Variants in PCCA observed in about 807,000 individuals in gnomAD.
The protein encoded by PCCA is propionyl-CoA carboxylase alpha chain, mitochondrial.
PCCA carries 74 observed loss-of-function variants against 101.3 expected under a neutral mutation model. The ratio of observed to expected loss-of-function variants is 0.73; its 90% CI spans 0.61 to 0.89. The LOEUF (loss-of-function observed/expected upper bound fraction) is 0.89, where lower values mean the gene tolerates loss of function less well. Ranked by LOEUF, PCCA falls within the 40% of genes least tolerant of loss-of-function variation. The pLI, the probability that PCCA is intolerant of heterozygous loss-of-function variation, is 0.00. For synonymous variants in PCCA, 294 were observed against 313.6 expected (o/e 0.94, Z 0.66); for missense variants, 891 against 907.0 (o/e 0.98, Z 0.23).
intron 20 of PCCA, among the ~76,000 whole-genome samples, chr13:100,443,573 A>G (rs1407761): frequency 0.44 from 67,270 of 151,982 alleles, 17,157 homozygotes; most frequent in Non-Finnish European, 0.58. Flanking sequence ...TCTGCCATGT[A>G]TAGCTGCTTT....
chr13:100,123,798 A>T (rs978014781), intron 4 of PCCA, among the ~76,000 whole-genome samples: 18 of 152,140 alleles, frequency 1.2e-4, no homozygotes, highest in African/African-American at 4.1e-4. Context: ...CAGTGGGATG[A>T]TGTGGGAGGA....
At chr13:100,188,330 C>A (rs367850870) in intron 6 of PCCA, among the ~76,000 whole-genome samples, 72 of 106,976 alleles carry the variant, frequency 6.7e-4, no homozygotes, top group South Asian at 3.1e-3. Flanking sequence ...AAAACAAAAA[C>A]ACAAAGAAAG....
chr13:100,430,344 T>C (rs959294728), intron 20 of PCCA, among the ~76,000 whole-genome samples: 4 of 152,314 alleles, frequency 2.6e-5, no homozygotes, highest in African/African-American at 9.6e-5. Flanking sequence ...AATCCTCCTT[T>C]CCAGTGTCCC....
intron 22 of PCCA, among the ~76,000 whole-genome samples, chr13:100,517,937 T>G (rs780214381): frequency 3.3e-5 from 5 of 152,188 alleles, no homozygotes; most frequent in Non-Finnish European, 7.3e-5. Flanking sequence ...GTCACTTACT[T>G]GAGGCCATTG....
intron 19 of PCCA, among the ~76,000 whole-genome samples, chr13:100,405,909 G>A (rs565391277): frequency 1.9e-4 from 28 of 151,210 alleles, no homozygotes; most frequent in Non-Finnish European, 3.1e-4. Flanking sequence ...TGGAATTAAA[G>A]GTGTGCGCCA....
chr13:100,111,957 A>G, intron 3 of PCCA, 36 bp from the exon 4 acceptor site: 1 of 1,572,970 alleles, frequency 6.4e-7, no homozygotes, highest in South Asian at 1.1e-5. Flanking sequence ...TTAAGTGTGA[A>G]TCACTATTAA....
chr13:100,328,188 C>T (rs1477651402), intron 16 of PCCA, among the ~76,000 whole-genome samples: 1 of 152,030 alleles, frequency 6.6e-6, no homozygotes, highest in East Asian at 1.9e-4. Flanking sequence ...CATGATGAAA[C>T]CCCGTCTCTA....
At chr13:100,149,204 A>C (rs1421708325) in intron 4 of PCCA, 2 of 143,998 alleles carry the variant, frequency 1.4e-5, no homozygotes, top group African/African-American at 5.2e-5. Context: ...AGATTGATGC[A>C]GTTGGCTTTC....
chr13:100,227,802 C>A (rs2060231583), intron 7 of PCCA, among the ~76,000 whole-genome samples: 1 of 152,068 alleles, frequency 6.6e-6, no homozygotes, highest in Admixed American at 6.6e-5. Flanking sequence ...ACTCTTTTTT[C>A]CCTACCTCCT....
intron 6 of PCCA, among the ~76,000 whole-genome samples, chr13:100,203,769 T>C (rs912847303): frequency 6.6e-6 from 1 of 152,242 alleles, no homozygotes; most frequent in African/African-American, 2.4e-5. Context: ...TTTCTCTACA[T>C]TTCTTTTTAA....
intron 1 of PCCA, among the ~76,000 whole-genome samples, chr13:100,095,332 G>C (rs1357954241): frequency 6.6e-6 from 1 of 152,146 alleles, no homozygotes; most frequent in Admixed American, 6.5e-5. Context: ...CATTTTAGGG[G>C]CTATCGTTCA....
chr13:100,103,636 A>G (rs1052570478), intron 2 of PCCA, among the ~76,000 whole-genome samples: 4 of 148,330 alleles, frequency 2.7e-5, no homozygotes, highest in African/African-American at 1.0e-4. Context: ...TATTTATATT[A>G]TTTATTTATT....
At chr13:100,267,924 A>G (rs1049093845) in intron 10 of PCCA, among the ~76,000 whole-genome samples, 1 of 152,158 alleles carries the variant, frequency 6.6e-6, no homozygotes, top group African/African-American at 2.4e-5. Context: ...CTTATTTTCC[A>G]TTACAGGTTG....
chr13:100,110,283 T>C lies in PCCA; in HGVS notation c.184-1558T>C, dbSNP rs1168285072. Among the ~76,000 whole-genome samples, 3 of 152,216 alleles carry C rather than the reference T, an allele frequency of 2.0e-5. No individual in the cohort carries two copies. The East Asian group carries it at 5.8e-4, about 29-fold the overall frequency. On this transcript the variant is annotated intron_variant, in intron 2 of 23. Transcript: ENST00000376285. ...TAAAAATAATTCACAAATACAGAAA[T>C]TACCGTGTGCTAATGTGTATTACAT...
chr13:100,198,915 T>G (rs1315273631), intron 6 of PCCA, among the ~76,000 whole-genome samples: 1 of 11,352 alleles, frequency 8.8e-5, no homozygotes, highest in Non-Finnish European at 1.3e-4. Flanking sequence ...TACTTTACAA[T>G]TTTTTTTTTT....
At chr13:100,376,774 T>A (rs1413968871) in intron 19 of PCCA, among the ~76,000 whole-genome samples, 1 of 152,204 alleles carries the variant, frequency 6.6e-6, no homozygotes, top group African/African-American at 2.4e-5. Context: ...GCAAGACCAC[T>A]TGGCTCCTTG....
At chr13:100,172,930 T>A (rs534750730) in intron 6 of PCCA, among the ~76,000 whole-genome samples, 4 of 152,322 alleles carry the variant, frequency 2.6e-5, no homozygotes, top group African/African-American at 9.6e-5. Context: ...ACTACCGGAC[T>A]ATGCTACCTC....
intron 4 of PCCA, among the ~76,000 whole-genome samples, chr13:100,131,594 G>A (rs1054101693): frequency 1.3e-5 from 2 of 152,172 alleles, no homozygotes; most frequent in Non-Finnish European, 2.9e-5. Flanking sequence ...GGGTGGTGGC[G>A]ATGGTTTCGC....
intron 19 of PCCA, among the ~76,000 whole-genome samples, chr13:100,388,701 C>T (rs775927013): frequency 3.3e-5 from 5 of 151,986 alleles, no homozygotes; most frequent in African/African-American, 7.3e-5. Flanking sequence ...GAGGCTGAGG[C>T]GGAGAATCGT....
Sources: gnomAD v4.1 joint callset for allele counts (sites outside exome capture counted in the v4.1 genomes callset) on GRCh38, gnomAD v4.1.1 for gene constraint, MANE v1.5 for transcripts, NCBI Gene and HGNC (gene_info 2026-07-23, HGNC 2026-07-21) for gene names.